IL1RAP: variants seen among roughly 807,000 people sequenced by gnomAD.
IL1RAP encodes the protein interleukin 1 receptor accessory protein, also known as interleukin-1 receptor accessory protein.
A neutral mutation model predicts 60.7 loss-of-function variants in IL1RAP; 35 were observed. The observed-to-expected ratio is 0.58, with a 90% CI of 0.44 to 0.76. The LOEUF (loss-of-function observed/expected upper bound fraction) is 0.76, where lower values mean the gene tolerates loss of function less well. Among genes scored for constraint, IL1RAP ranks in the 30% least tolerant of loss-of-function variants. IL1RAP has a pLI of 0.00. For missense variants in IL1RAP, 572 were observed against 693.9 expected, an observed-to-expected ratio of 0.82 and a Z score of 1.97; for synonymous variants, 268 against 250.9, an observed-to-expected ratio of 1.07 and a Z score of -0.64.
At chr3:190,605,366 A>C (rs980120635) in intron 4 of IL1RAP, among the ~76,000 whole-genome samples, 1 of 152,178 alleles carries the variant, frequency 6.6e-6, no homozygotes, top group African/African-American at 2.4e-5. Flanking sequence ...AAACAAAACA[A>C]ACAACTTCTA....
chr3:190,532,159 C>T (rs1723039684), intron 1 of IL1RAP, among the ~76,000 whole-genome samples: 1 of 151,828 alleles, frequency 6.6e-6, no homozygotes, highest in South Asian at 2.1e-4. Context: ...GAGTCAAAGG[C>T]AAGTCTTCTA....
intron 9 of IL1RAP, among the ~76,000 whole-genome samples, chr3:190,633,484 G>C (rs1188920194): frequency 6.6e-6 from 1 of 152,054 alleles, no homozygotes; most frequent in Non-Finnish European, 1.5e-5. Flanking sequence ...AGCCTCCAGA[G>C]TAGCTGCGAT....
chr3:190,541,133 T>C (rs926086556), intron 1 of IL1RAP, among the ~76,000 whole-genome samples: 1 of 151,796 alleles, frequency 6.6e-6, no homozygotes, highest in Non-Finnish European at 1.5e-5. Context: ...GAGATAGGGG[T>C]GCTATCTACC....
At chr3:190,563,734 AT>A (rs1157041004) in intron 2 of IL1RAP, among the ~76,000 whole-genome samples, 1 of 152,174 alleles carries the variant, frequency 6.6e-6, no homozygotes, top group Non-Finnish European at 1.5e-5. Context: ...TGAATCCAGG[AT>A]TTCTAGACTT....
rs576873190 is a variant in IL1RAP, at chr3:190,647,238, C to G, written c.1346-1100C>G. Among the ~76,000 whole-genome samples, 12 of 152,274 alleles carry G rather than the reference C, an allele frequency of 7.9e-5. No individual in the cohort carries two copies. In the South Asian group the frequency reaches 2.5e-3, roughly 32 times the overall value. ...ACACAATCATTCCTGGATTCTCCCC[C>G]AGGCTGTGCATGCTAGATTTTAATC... On this transcript the variant is annotated intron_variant, in intron 11 of 11. Transcript: ENST00000447382.
intron 3 of IL1RAP, among the ~76,000 whole-genome samples, chr3:190,600,547 C>T (rs1577697398): frequency 1.3e-5 from 2 of 152,196 alleles, no homozygotes; most frequent in Non-Finnish European, 1.5e-5. Flanking sequence ...TGCCATCCAT[C>T]AAAGTACCCA....
At chr3:190,634,044 G>A (rs1306628443) in intron 9 of IL1RAP, among the ~76,000 whole-genome samples, 1 of 152,026 alleles carries the variant, frequency 6.6e-6, no homozygotes, top group Non-Finnish European at 1.5e-5. Flanking sequence ...TCAGTTTGCC[G>A]AGAATTTTTT....
downstream of IL1RAP, chr3:190,655,923 A>G (rs1243183760): frequency 6.5e-7 from 1 of 1,537,162 alleles, no homozygotes; most frequent in African/African-American, 1.4e-5. Context: ...TCATTCAGAG[A>G]AGCAGAAGGA....
At chr3:190,532,628 T>C (rs1173773645) in intron 1 of IL1RAP, among the ~76,000 whole-genome samples, 1 of 152,186 alleles carries the variant, frequency 6.6e-6, no homozygotes, top group Non-Finnish European at 1.5e-5. Context: ...CTTGTACAGC[T>C]GTGGAGAAGG....
At chr3:190,554,165 ATGT>A (rs1161079656) in intron 1 of IL1RAP, among the ~76,000 whole-genome samples, 1 of 151,702 alleles carries the variant, frequency 6.6e-6, no homozygotes, top group African/African-American at 2.4e-5. Flanking sequence ...GGCACCAAAG[ATGT>A]TGTAGGACTT....
intron 3 of IL1RAP, among the ~76,000 whole-genome samples, chr3:190,590,501 C>T (rs867539090): frequency 1.6e-4 from 24 of 152,102 alleles, no homozygotes; most frequent in Non-Finnish European, 2.9e-4. Context: ...GCAATCTGCC[C>T]GCCTCGGCCT....
At chr3:190,651,893 A>G (rs1472101400), downstream of IL1RAP, among the ~76,000 whole-genome samples, 1 of 152,314 alleles carries the variant, frequency 6.6e-6, no homozygotes, top group Non-Finnish European at 1.5e-5. Context: ...TTATTTTAAT[A>G]CAAAGGAAAA....
chr3:190,566,541 CTG>C (rs533856452), intron 3 of IL1RAP, among the ~76,000 whole-genome samples: 36 of 152,280 alleles, frequency 2.4e-4, no homozygotes, highest in African/African-American at 7.2e-4. Context: ...TATCCAGGAA[CTG>C]TGACTCATAA....
intron 3 of IL1RAP, among the ~76,000 whole-genome samples, chr3:190,590,463 C>G (rs1002993941): frequency 6.6e-6 from 1 of 152,106 alleles, no homozygotes; most frequent in South Asian, 2.1e-4. Flanking sequence ...CCATATTGCC[C>G]AAGCCGGTCG....
intron 1 of IL1RAP, among the ~76,000 whole-genome samples, chr3:190,544,356 C>A (rs1724196388): frequency 6.6e-6 from 1 of 152,184 alleles, no homozygotes; most frequent in Non-Finnish European, 1.5e-5. Context: ...ACTGGTGGAG[C>A]ATAGCATTAT....
chr3:190,557,089 C>G (rs750236640), intron 2 of IL1RAP, among the ~76,000 whole-genome samples: 1 of 152,172 alleles, frequency 6.6e-6, no homozygotes, highest in African/African-American at 2.4e-5. Flanking sequence ...CCTAGCACAT[C>G]AGTCTTGAAT....
intron 5 of IL1RAP, 87 bp from the exon 6 acceptor site, chr3:190,620,188 C>A: frequency 1.5e-6 from 1 of 679,660 alleles, no homozygotes; most frequent in Non-Finnish European, 2.4e-6. Flanking sequence ...GTGTTCTGTG[C>A]AAAATTAGAT....
Position 190,650,228 on chromosome 3 carries a change from C to T in IL1RAP, c.*1523C>T. ...TCTGTACATATTATTTGTTAATTCA[C>T]AGCTCACAGAGTGATAGTTGTCATA... On this transcript the variant is annotated 3_prime_UTR_variant, in exon 12 of 12. Transcript: ENST00000447382. 1 of 984,700 alleles carries T rather than the reference C, an allele frequency of 1.0e-6. No individual in the cohort carries two copies. Among genetic ancestry groups the T allele is most frequent in the Non-Finnish European group, 1.2e-6 (1 of 829,288 alleles). 61.0% of individuals were successfully genotyped at this position (984,700 alleles called of 1,614,324 possible). A position where few individuals can be genotyped will look rare whatever the true frequency, so the allele number is the denominator to read the frequency against.
At chr3:190,615,310 T>C in intron 5 of IL1RAP, 1 of 1,281,584 alleles carries the variant, frequency 7.8e-7, no homozygotes, top group Non-Finnish European at 1.0e-6. Context: ...GACTGCCTTG[T>C]TTATTCACAT....
Sources: gnomAD v4.1 joint callset for allele counts (sites outside exome capture counted in the v4.1 genomes callset) on GRCh38, gnomAD v4.1.1 for gene constraint, MANE v1.5 for transcripts, NCBI Gene and HGNC (gene_info 2026-07-23, HGNC 2026-07-21) for gene names.